The following ZSWIM5 variants were observed in gnomAD, a reference collection of about 807,000 sequenced individuals.
ZSWIM5 encodes the protein zinc finger SWIM-type containing 5, also known as zinc finger SWIM domain-containing protein 5.
A neutral mutation model predicts 119.6 loss-of-function variants in ZSWIM5; 55 were observed. That is an observed-to-expected ratio of 0.46 (90% CI 0.37 to 0.58). The LOEUF (loss-of-function observed/expected upper bound fraction) is 0.58. Ranked by LOEUF, ZSWIM5 falls within the 20% of genes least tolerant of loss-of-function variation. The pLI is 0.00. For missense variants in ZSWIM5, 1,193 were observed against 1,512.8 expected (o/e 0.79, Z 3.51); for synonymous variants, 537 against 606.9 (o/e 0.88, Z 1.69).
rs199737437 is a variant in ZSWIM5, at chr1:45,035,801, T to C, written c.2178A>G (p.Gly726=). The C allele has an allele frequency of 6.2e-7, 1 of 1,613,400 alleles. No homozygotes were observed. Among genetic ancestry groups the C allele is most frequent in the African/African-American group, 1.3e-5 (1 of 74,816 alleles). The change falls in exon 10 of 14, where the codon GGA becomes GGG. Residue 726 remains glycine, a synonymous_variant. Coordinates refer to ENST00000359600, the MANE Select transcript of ZSWIM5 (RefSeq NM_020883.2). ...LLEGGPFSGL[G]EVIHRESVPM... is the part of the protein sequence containing the mutation. ...GAACACTCTCTCGGTGGATGACTTCTCCCAGACCGCTGAAAGGACCTCCTG... is the reference window on the plus strand; with the variant it reads ...GAACACTCTCTCGGTGGATGACTTCCCCCAGACCGCTGAAAGGACCTCCTG...
intron 2 of ZSWIM5, among the ~76,000 whole-genome samples, chr1:45,067,559 A>G (rs1359491222): frequency 6.6e-6 from 1 of 152,230 alleles, no homozygotes; most frequent in East Asian, 1.9e-4. Context: ...TAAAATAAGA[A>G]GAGGAGAAAA....
chr1:45,108,555 G>A (rs1405952512), intron 1 of ZSWIM5, among the ~76,000 whole-genome samples: 1 of 152,074 alleles, frequency 6.6e-6, no homozygotes, highest in Non-Finnish European at 1.5e-5. Context: ...TCTTGAGACT[G>A]AGAAGCCTTC....
At chr1:45,033,460 T>C (rs1405739297) in intron 11 of ZSWIM5, among the ~76,000 whole-genome samples, 2 of 152,208 alleles carry the variant, frequency 1.3e-5, no homozygotes, top group Non-Finnish European at 2.9e-5. Flanking sequence ...TCATGGTGGC[T>C]AGCATTTTAT....
intron 11 of ZSWIM5, among the ~76,000 whole-genome samples, chr1:45,025,742 A>C (rs1327843433): frequency 6.6e-6 from 1 of 152,204 alleles, no homozygotes; most frequent in East Asian, 1.9e-4. Context: ...ATACATAGTC[A>C]ATCATGTCAT....
chr1:45,111,372 C>T (rs982121658), intron 1 of ZSWIM5, among the ~76,000 whole-genome samples: 1 of 152,204 alleles, frequency 6.6e-6, no homozygotes, highest in Non-Finnish European at 1.5e-5. Flanking sequence ...AGAAACAAAA[C>T]AGCAGTGGGA....
chr1:45,160,439 G>A (rs1286824945), intron 1 of ZSWIM5, among the ~76,000 whole-genome samples: 1 of 151,950 alleles, frequency 6.6e-6, no homozygotes, highest in Non-Finnish European at 1.5e-5. Flanking sequence ...TCCTACTCAT[G>A]TACTCCTCCC....
chr1:45,206,353 C>A lies in ZSWIM5; in HGVS notation c.-3G>T. On this transcript the variant is annotated 5_prime_UTR_variant, in exon 1 of 14. Coordinates refer to ENST00000359600, the MANE Select transcript of ZSWIM5 (RefSeq NM_020883.2). ...TCTCGCTCACCTCCGTCCGCCATTG[C>A]TGGGGACTGACTGACTGACTGAGGC... The A allele has an allele frequency of 6.9e-7, 1 of 1,453,096 alleles. No homozygotes were observed. The highest frequency in any genetic ancestry group is 9.1e-7 in the Non-Finnish European group (1 of 1,102,660). The allele number at this position is 1,453,096 out of a possible 1,614,324, so 90.0% of individuals were successfully genotyped here. A position where few individuals can be genotyped will look rare whatever the true frequency, so the allele number is the denominator to read the frequency against.
chr1:45,105,679 A>G (rs1394008335), intron 1 of ZSWIM5, among the ~76,000 whole-genome samples: 1 of 120,112 alleles, frequency 8.3e-6, no homozygotes, highest in Non-Finnish European at 1.7e-5. Context: ...AGCTGCCCCG[A>G]ATGGGAAGTG....
At chr1:45,113,180 A>ACACCCACCT (rs1375479145) in intron 1 of ZSWIM5, among the ~76,000 whole-genome samples, 2 of 152,214 alleles carry the variant, frequency 1.3e-5, no homozygotes, top group African/African-American at 4.8e-5. Flanking sequence ...AGTAGTATCA[A>ACACCCACCT]CACCCACCTC....
chr1:45,022,140 T>TA (rs1644891662), intron 11 of ZSWIM5, among the ~76,000 whole-genome samples: 1 of 149,894 alleles, frequency 6.7e-6, no homozygotes, highest in African/African-American at 2.5e-5. Flanking sequence ...TTTTATTTTA[T>TA]TTTTTTTTGA....
intron 8 of ZSWIM5, 56 bp from the exon 9 acceptor site, chr1:45,036,355 T>A: frequency 4.2e-4 from 27 of 64,364 alleles, no homozygotes; most frequent in South Asian, 3.1e-3. Context: ...GTCTTCTTTC[T>A]TTTTTTTTTT....
chr1:45,069,412 T>C (rs963180131), intron 2 of ZSWIM5, among the ~76,000 whole-genome samples: 2 of 149,134 alleles, frequency 1.3e-5, no homozygotes, highest in East Asian at 2.0e-4. Context: ...GACGACAGAG[T>C]GAGACTCCGT....
intron 1 of ZSWIM5, among the ~76,000 whole-genome samples, chr1:45,193,997 T>C (rs1393329802): frequency 6.6e-6 from 1 of 151,728 alleles, no homozygotes; most frequent in Non-Finnish European, 1.5e-5. Context: ...ATACATGTGA[T>C]GGTAAAGACT....
chr1:45,081,378 C>T (rs1645289350), intron 2 of ZSWIM5, among the ~76,000 whole-genome samples: 1 of 152,190 alleles, frequency 6.6e-6, no homozygotes, highest in African/African-American at 2.4e-5. Flanking sequence ...CTGGACTATA[C>T]TGCTGCCATC....
chr1:45,190,592 G>T (rs1396464752), intron 1 of ZSWIM5, among the ~76,000 whole-genome samples: 1 of 152,114 alleles, frequency 6.6e-6, no homozygotes, highest in African/African-American at 2.4e-5. Flanking sequence ...GAAATGTAGC[G>T]CTCGGATCCT....
intron 5 of ZSWIM5, among the ~76,000 whole-genome samples, chr1:45,050,102 C>T (rs1468640261): frequency 1.3e-5 from 2 of 152,108 alleles, no homozygotes; most frequent in Non-Finnish European, 2.9e-5. Context: ...GCCTGTAATC[C>T]CAGCATTCTG....
chr1:45,136,978 C>T (rs1432007012), intron 1 of ZSWIM5, among the ~76,000 whole-genome samples: 3 of 152,158 alleles, frequency 2.0e-5, no homozygotes, highest in Non-Finnish European at 4.4e-5. Context: ...CAGCAATCAC[C>T]TTGAGTGGTC....
At chr1:45,023,373 CTTCT>C (rs1201661897) in intron 11 of ZSWIM5, among the ~76,000 whole-genome samples, 1 of 151,400 alleles carries the variant, frequency 6.6e-6, no homozygotes, top group Non-Finnish European at 1.5e-5. Flanking sequence ...TTTCTTTCTT[CTTCT>C]TTTTTTTAAC....
chr1:45,095,585 A>T (rs1354323956), intron 1 of ZSWIM5, among the ~76,000 whole-genome samples: 36 of 152,098 alleles, frequency 2.4e-4, no homozygotes, highest in Non-Finnish European at 1.8e-4. Context: ...ACTTGATGAG[A>T]TTTGGGTTTT....
Sources: allele counts gnomAD v4.1 joint callset (sites outside exome capture counted in the v4.1 genomes callset), GRCh38; gene constraint gnomAD v4.1.1; transcripts MANE v1.5; gene names NCBI Gene and HGNC (gene_info 2026-07-23, HGNC 2026-07-21).